The following DAB2IP variants were observed in gnomAD, a reference collection of about 807,000 sequenced individuals.
DAB2IP encodes DAB2 interacting protein.
A neutral mutation model predicts 107.2 loss-of-function variants in DAB2IP; 28 were observed. The observed-to-expected ratio is 0.26, with a 90% confidence interval of 0.19 to 0.36. DAB2IP has a LOEUF of 0.36. DAB2IP is among the 10% of genes least tolerant of loss of function. The pLI, the probability that DAB2IP is intolerant of heterozygous loss-of-function variation, is 1.00. For missense variants in DAB2IP, 1,400 were observed against 1,644.7 expected, an observed-to-expected ratio of 0.85 and a Z score of 2.57; for synonymous variants, 755 against 706.4, an observed-to-expected ratio of 1.07 and a Z score of -1.09.
At chr9:121,771,480 A>C (rs1834729924) in intron 11 of DAB2IP, among the ~76,000 whole-genome samples, 1 of 152,136 alleles carries the variant, frequency 6.6e-6, no homozygotes, top group Non-Finnish European at 1.5e-5. Context: ...TGCTGAGATC[A>C]AGAACCTGGG....
intron 2 of DAB2IP, among the ~76,000 whole-genome samples, chr9:121,695,685 C>T (rs1198270448): frequency 6.6e-6 from 1 of 152,056 alleles, no homozygotes; most frequent in Non-Finnish European, 1.5e-5. Context: ...TGTCCCTAGG[C>T]AAGGGAGTGA....
At chr9:121,643,503 T>C (rs1832432904) in intron 1 of DAB2IP, among the ~76,000 whole-genome samples, 1 of 151,984 alleles carries the variant, frequency 6.6e-6, no homozygotes, top group African/African-American at 2.4e-5. Flanking sequence ...TGCTCCCCAG[T>C]CCTCACTGTA....
rs572291114 is a variant in DAB2IP at position 121,643,551 on chromosome 9, C to T, written c.41-35127C>T. Among the ~76,000 whole-genome samples the T allele has an allele frequency of 1.5e-3, 229 of 152,124 alleles. 1 individual carries two copies. Among genetic ancestry groups the T allele is most frequent in the African/African-American group, 4.9e-3 (204 of 41,550 alleles). ...GCCTCACCATCCTACCCACTGTCTC[C>T]AGTACATGCTTTGTTCATTTCCACC... is the stretch of plus-strand genomic sequence containing the variant. On this transcript the variant is annotated intron_variant, in intron 1 of 16. Transcript: ENST00000259371.
chr9:121,722,988 T>A (rs1831026073), intron 3 of DAB2IP, among the ~76,000 whole-genome samples: 1 of 152,218 alleles, frequency 6.6e-6, no homozygotes. Context: ...GCCAATGAAA[T>A]GATCTTATCC....
In DAB2IP at chr9:121,657,033, C is replaced by A. The variant is rs1832998205; in HGVS notation, c.124+5134C>A. On this transcript the variant is annotated intron_variant, in intron 1 of 15. Transcript: ENST00000408936. ...TCTTGGTCAAAGCTTGGGAGGGAGG[C>A]AGGGGAGTGGCCCCGTTGGCATCTG... is the stretch of plus-strand genomic sequence containing the variant. Among the ~76,000 whole-genome samples the A allele has an allele frequency of 2.0e-5, 3 of 152,236 alleles. No individual in the cohort carries two copies. In the South Asian group the frequency reaches 6.2e-4, roughly 32 times the overall value.
rs549893274 is a variant in DAB2IP, at chr9:121,651,712, G to C, written c.-64G>C. ...CGCGTGGGCGCCCGCCGGGCTGTCC[G>C]GAGCGGCCGATGGGGCCCGTGTGAG... On this transcript the variant is annotated 5_prime_UTR_variant, in exon 1 of 16. Coordinates refer to ENST00000408936, the Ensembl canonical transcript of DAB2IP. This position sits in a 1 kb window ranked among gnomAD's most constrained non-coding sequence, Gnocchi z 5.1. The C allele has an allele frequency of 9.4e-6, 11 of 1,164,462 alleles. No homozygotes were observed. Among genetic ancestry groups the C allele is most frequent in the East Asian group, 8.1e-5 (2 of 24,764 alleles). The allele number at this position is 1,164,462 out of a possible 1,614,324, so 72.1% of individuals were successfully genotyped here.
At chr9:121,716,529 T>C (rs1175972694) in intron 3 of DAB2IP, among the ~76,000 whole-genome samples, 1 of 152,234 alleles carries the variant, frequency 6.6e-6, no homozygotes, top group Non-Finnish European at 1.5e-5. Context: ...AGGTTCCATT[T>C]CCAAAATAAT....
intron 1 of DAB2IP, among the ~76,000 whole-genome samples, chr9:121,608,968 G>A (rs1246838076): frequency 1.3e-5 from 2 of 152,242 alleles, no homozygotes; most frequent in East Asian, 1.9e-4. Flanking sequence ...TTGAGACAGC[G>A]TCTCGCTCTG....
intron 1 of DAB2IP, among the ~76,000 whole-genome samples, chr9:121,584,302 A>G (rs184501492): frequency 2.0e-5 from 3 of 152,274 alleles, no homozygotes; most frequent in Admixed American, 1.3e-4. Flanking sequence ...TTTCATTTAA[A>G]TGACGGTTCT....
At chr9:121,779,247 TTTTAATTCTCA>T (rs1273496432) in intron 14 of DAB2IP, among the ~76,000 whole-genome samples, 2 of 152,232 alleles carry the variant, frequency 1.3e-5, no homozygotes, top group East Asian at 3.8e-4. Context: ...ATTCCATCAG[TTTTAATTCTCA>T]TTGTGCTTTT....
chr9:121,583,477 G>A (rs1385839119), intron 1 of DAB2IP, among the ~76,000 whole-genome samples: 2 of 152,330 alleles, frequency 1.3e-5, no homozygotes, highest in African/African-American at 2.4e-5. Context: ...TCTGGCCACT[G>A]AGGAACGTGC....
At chr9:121,601,000 C>T (rs898893558) in intron 1 of DAB2IP, among the ~76,000 whole-genome samples, 4 of 152,218 alleles carry the variant, frequency 2.6e-5, no homozygotes, top group Non-Finnish European at 5.9e-5. Context: ...GGACCAGCCC[C>T]TCTTAATCAG....
chr9:121,614,344 T>TC (rs1049912792), intron 1 of DAB2IP, among the ~76,000 whole-genome samples: 3 of 145,346 alleles, frequency 2.1e-5, no homozygotes, highest in South Asian at 2.2e-4. Flanking sequence ...TTTCTTTTTT[T>TC]TTTTTTTTTT....
exon 16 of DAB2IP, chr9:121,783,390 G>T: frequency 6.4e-7 from 1 of 1,561,952 alleles, no homozygotes; most frequent in East Asian, 2.3e-5. Flanking sequence ...AGCACACCCA[G>T]GGCACAGTGG....
At chr9:121,749,242 T>C (rs1212678666) in intron 3 of DAB2IP, among the ~76,000 whole-genome samples, 1 of 152,210 alleles carries the variant, frequency 6.6e-6, no homozygotes, top group African/African-American at 2.4e-5. Flanking sequence ...CTGCTGGACA[T>C]ACTAGGCAGG....
intron 1 of DAB2IP, among the ~76,000 whole-genome samples, chr9:121,590,438 G>A (rs1187228383): frequency 6.6e-6 from 1 of 151,976 alleles, no homozygotes; most frequent in Non-Finnish European, 1.5e-5. Flanking sequence ...TGAAAAGGGT[G>A]TTGTGGTTAC....
intron 3 of DAB2IP, chr9:121,751,810 A>T: frequency 2.2e-6 from 1 of 456,480 alleles, no homozygotes; most frequent in Non-Finnish European, 2.9e-6. Context: ...GGAGAAGGCC[A>T]GTGGAACTCC....
chr9:121,603,849 TATTCATG>T (rs1185448604), intron 1 of DAB2IP, among the ~76,000 whole-genome samples: 2 of 151,826 alleles, frequency 1.3e-5, no homozygotes, highest in African/African-American at 2.4e-5. Context: ...TAGGGAGAGG[TATTCATG>T]ATGGGCTCAG....
intron 1 of DAB2IP, among the ~76,000 whole-genome samples, chr9:121,677,908 C>A (rs529280298): frequency 6.6e-6 from 1 of 152,142 alleles, no homozygotes; most frequent in Non-Finnish European, 1.5e-5. Context: ...GTGATCCTCC[C>A]GCCTCGGCCT....
Sources: allele counts gnomAD v4.1 joint callset (sites outside exome capture counted in the v4.1 genomes callset), GRCh38; gene constraint gnomAD v4.1.1; non-coding constraint Gnocchi (gnomAD v3.1); transcripts MANE v1.5; gene names NCBI Gene and HGNC (gene_info 2026-07-23, HGNC 2026-07-21).